DNM3: variants seen among roughly 807,000 people sequenced by gnomAD.
DNM3 encodes the protein dynamin 3, also known as dynamin-3.
A neutral mutation model predicts 101.6 loss-of-function variants in DNM3; 47 were observed. The ratio of observed to expected loss-of-function variants is 0.46; its 90% CI spans 0.37 to 0.59. DNM3 has a LOEUF of 0.59. DNM3 is among the 20% of genes least tolerant of loss of function. The pLI is 0.00. For synonymous variants in DNM3, 385 were observed against 387.9 expected, an observed-to-expected ratio of 0.99 and a Z score of 0.09; for missense variants, 849 against 1,085.7, an observed-to-expected ratio of 0.78 and a Z score of 3.06.
chr1:172,041,179 G>T (rs534001680), intron 7 of DNM3, among the ~76,000 whole-genome samples: 1 of 152,102 alleles, frequency 6.6e-6, no homozygotes, highest in Non-Finnish European at 1.5e-5. Context: ...ATTGCTGAGA[G>T]CTGAACCAAG....
Position 172,307,637 on chromosome 1 carries a change from A to G in DNM3, c.1770-1091A>G, listed in dbSNP as rs1336106413. ...TTGGAACTGACCCAAATGTCCATCA[A>G]TGATAGACTGGATTAAGAAAATGTG... On this transcript the variant is annotated intron_variant, in intron 15 of 20. Coordinates refer to ENST00000627582, the MANE Select transcript of DNM3 (RefSeq NM_015569.5). Among the ~76,000 whole-genome samples the G allele has an allele frequency of 5.3e-5, 8 of 152,336 alleles. No individual in the cohort carries two copies. In the South Asian group the frequency reaches 6.2e-4, roughly 12 times the overall value.
intron 10 of DNM3, among the ~76,000 whole-genome samples, chr1:172,058,609 G>A (rs1312152508): frequency 2.0e-5 from 3 of 152,124 alleles, no homozygotes; most frequent in East Asian, 1.9e-4. Context: ...GGTACATAAC[G>A]AAATGAAGGC....
intron 1 of DNM3, among the ~76,000 whole-genome samples, chr1:171,918,041 C>T (rs2039860686): frequency 6.6e-6 from 1 of 152,144 alleles, no homozygotes; most frequent in African/African-American, 2.4e-5. Flanking sequence ...GCTTTCCAAA[C>T]CCTTGCAGGT....
intron 14 of DNM3, among the ~76,000 whole-genome samples, chr1:172,218,976 G>C (rs1266902477): frequency 6.6e-6 from 1 of 152,096 alleles, no homozygotes; most frequent in Non-Finnish European, 1.5e-5. Context: ...TAATACTTTA[G>C]TTTTAAAAAT....
At chr1:172,122,651 A>G (rs892262151) in intron 13 of DNM3, among the ~76,000 whole-genome samples, 3 of 152,152 alleles carry the variant, frequency 2.0e-5, no homozygotes, top group African/African-American at 4.8e-5. Context: ...ATTGCTTCCA[A>G]TTGCTTGCCA....
intron 14 of DNM3, among the ~76,000 whole-genome samples, chr1:172,181,989 A>G (rs1482797170): frequency 6.6e-6 from 1 of 152,098 alleles, no homozygotes; most frequent in Non-Finnish European, 1.5e-5. Flanking sequence ...GGGTGTTGCC[A>G]CAACTTTATG....
chr1:172,102,877 AT>A (rs1363885665), intron 13 of DNM3, among the ~76,000 whole-genome samples: 2 of 152,094 alleles, frequency 1.3e-5, no homozygotes, highest in African/African-American at 4.8e-5. Context: ...ATTCCTTGGA[AT>A]TTTGATAACA....
intron 10 of DNM3, among the ~76,000 whole-genome samples, chr1:172,051,241 C>T (rs1033791968): frequency 7.2e-5 from 11 of 152,108 alleles, no homozygotes; most frequent in Non-Finnish European, 1.2e-4. Context: ...TATTCCTTCA[C>T]CTTCTCATAG....
At chr1:172,278,124 G>C (rs1039000180) in intron 15 of DNM3, among the ~76,000 whole-genome samples, 3 of 152,008 alleles carry the variant, frequency 2.0e-5, no homozygotes, top group African/African-American at 7.2e-5. Context: ...TTTGTATTCT[G>C]TTCAAGGTAC....
chr1:171,946,104 A>G (rs2042159184), intron 2 of DNM3, among the ~76,000 whole-genome samples: 2 of 152,148 alleles, frequency 1.3e-5, no homozygotes, highest in Non-Finnish European at 2.9e-5. Context: ...GACAAGGACC[A>G]TCATATTCTG....
intron 4 of DNM3, among the ~76,000 whole-genome samples, chr1:172,026,159 A>G (rs1369776561): frequency 2.6e-5 from 4 of 152,132 alleles, no homozygotes; most frequent in Non-Finnish European, 5.9e-5. Context: ...TTCGTGAAGC[A>G]TACACAAGTA....
intron 10 of DNM3, among the ~76,000 whole-genome samples, chr1:172,049,231 T>C (rs938522806): frequency 1.3e-5 from 2 of 152,174 alleles, no homozygotes; most frequent in African/African-American, 2.4e-5. Flanking sequence ...ATGACCTAGA[T>C]TGAAATCCTG....
At chr1:172,138,269 A>G (rs2057363287) in intron 14 of DNM3, 1 of 151,062 alleles carries the variant, frequency 6.6e-6, no homozygotes, top group Non-Finnish European at 1.5e-5. Flanking sequence ...CCAGACTGGC[A>G]GAGTTAACTC....
intron 14 of DNM3, among the ~76,000 whole-genome samples, chr1:172,186,670 C>T (rs759043390): frequency 6.6e-6 from 1 of 152,090 alleles, no homozygotes; most frequent in Non-Finnish European, 1.5e-5. Context: ...TCAGCCCCCT[C>T]TCACTGAAGG....
chr1:172,058,175 G>T (rs2050811603), intron 10 of DNM3, among the ~76,000 whole-genome samples: 2 of 149,646 alleles, frequency 1.3e-5, no homozygotes, highest in South Asian at 4.3e-4. Context: ...CCCAATACAG[G>T]AGCACCCAGA....
rs141307586 is a variant in DNM3 at position 172,299,829 on chromosome 1, A to G, written c.1770-8899A>G. Among the ~76,000 whole-genome samples, 733 of 152,298 alleles carry G rather than the reference A, an allele frequency of 4.8e-3. 4 individuals are homozygous for G. The highest frequency in any genetic ancestry group is 0.017 in the African/African-American group (692 of 41,560). Reference sequence around the variant, plus strand: ...TTCAATGTCTTTGCTATTATGAAGAATGCTGCAATGAACATACAGGCACAT... The same window carrying G: ...TTCAATGTCTTTGCTATTATGAAGAGTGCTGCAATGAACATACAGGCACAT... On this transcript the variant is annotated intron_variant, in intron 15 of 20. Transcript: ENST00000627582.
At chr1:172,270,840 A>G (rs972720121) in intron 15 of DNM3, among the ~76,000 whole-genome samples, 1 of 152,104 alleles carries the variant, frequency 6.6e-6, no homozygotes, top group African/African-American at 2.4e-5. Flanking sequence ...TACTGTGGGT[A>G]TAAAGGAACA....
chr1:172,061,209 A>G (rs1228666344), intron 10 of DNM3, among the ~76,000 whole-genome samples: 1 of 150,998 alleles, frequency 6.6e-6, no homozygotes, highest in Non-Finnish European at 1.5e-5. Context: ...CAGGTGCTGG[A>G]GAAGATGTGG....
At chr1:172,075,081 T>C (rs920999396) in intron 11 of DNM3, among the ~76,000 whole-genome samples, 3 of 151,978 alleles carry the variant, frequency 2.0e-5, no homozygotes, top group East Asian at 1.9e-4. Context: ...GATGATGAGC[T>C]TTTTTTTCAT....
Sources: gnomAD v4.1 joint callset for allele counts (sites outside exome capture counted in the v4.1 genomes callset) on GRCh38, gnomAD v4.1.1 for gene constraint, MANE v1.5 for transcripts, NCBI Gene and HGNC (gene_info 2026-07-23, HGNC 2026-07-21) for gene names.